The following PIGU variants were observed in gnomAD, a reference collection of about 807,000 sequenced individuals.
The protein encoded by PIGU is phosphatidylinositol glycan anchor biosynthesis class U.
Under a neutral mutation model 49.9 loss-of-function variants are expected in PIGU, and 24 were observed. The ratio of observed to expected loss-of-function variants is 0.48; its 90% CI spans 0.35 to 0.68. The LOEUF (loss-of-function observed/expected upper bound fraction) is 0.68. PIGU is among the 30% of genes least tolerant of loss of function. The pLI is 0.01. For missense variants in PIGU, 490 were observed against 532.6 expected, an observed-to-expected ratio of 0.92 and a Z score of 0.79; for synonymous variants, 220 against 205.7, an observed-to-expected ratio of 1.07 and a Z score of -0.59.
chr20:34,593,334 TC>T, intron 7 of PIGU, among the ~76,000 whole-genome samples: 1 of 58,958 alleles, frequency 1.7e-5, no homozygotes, highest in African/African-American at 6.8e-5. Flanking sequence ...CGAGACTCTG[TC>T]TTAAAGAAAA....
In PIGU at chr20:34,609,934, T is replaced by G. The variant is rs114982334; in HGVS notation, c.627+6108A>C. Among the ~76,000 whole-genome samples, 661 of 152,270 alleles carry G rather than the reference T, an allele frequency of 4.3e-3. 4 individuals are homozygous for G. Among genetic ancestry groups the G allele is most frequent in the African/African-American group, 0.015 (626 of 41,562 alleles). ...AGGATCTGATGGTTTTATAAGGGTC[T>G]TTTCCCTCTTTGCTTGGCACCTCTC... On this transcript the variant is annotated intron_variant, in intron 7 of 11. Coordinates refer to ENST00000217446, the MANE Select transcript of PIGU (RefSeq NM_080476.5).
intron 2 of PIGU, among the ~76,000 whole-genome samples, chr20:34,650,481 G>A (rs1281281648): frequency 1.3e-5 from 2 of 151,842 alleles, no homozygotes; most frequent in Admixed American, 6.6e-5. Context: ...ATGTTGGCCA[G>A]GCTGGTTGAA....
Position 34,631,232 on chromosome 20 carries a change from T to G in PIGU, c.529+3383A>C, listed in dbSNP as rs1339974164. 2.0e-5 allele frequency among the ~76,000 whole-genome samples: 3 copies of G among 151,726 alleles called. No individual in the cohort carries two copies. In the East Asian group the frequency reaches 5.8e-4, roughly 29 times the overall value. On this transcript the variant is annotated intron_variant, in intron 6 of 11. Coordinates refer to ENST00000217446, the MANE Select transcript of PIGU (RefSeq NM_080476.5). ...AAAACTCAATAGAGGAGCTGGAAGA[T>G]AAAAACAAGGAAATGTCCCAGAAAA... is the stretch of plus-strand genomic sequence containing the variant.
rs778285214 is a variant in PIGU at position 34,581,613 on chromosome 20, T to C, written c.986A>G (p.Tyr329Cys). The change falls in exon 10 of 12, where the codon TAC becomes TGC. Residue 329 changes from tyrosine to cysteine, a missense_variant. By Grantham distance (194) the Tyr-to-Cys change is radical (BLOSUM62 -2). Transcript: ENST00000217446. ...GAGCGCCACGTCCCCCACTGTCGGGTAGGACTTAAAGATGGCGATGACAGC... is the reference window on the plus strand; with the variant it reads ...GAGCGCCACGTCCCCCACTGTCGGGCAGGACTTAAAGATGGCGATGACAGC... ...QIAVIAIFKS[Y>C]PTVGDVALYM... 2 of 1,613,546 alleles carry C rather than the reference T, an allele frequency of 1.2e-6. No individual in the cohort carries two copies. The highest frequency in any genetic ancestry group is 1.7e-6 in the Non-Finnish European group (2 of 1,179,838).
chr20:34,607,081 G>A (rs1984643130), intron 7 of PIGU, among the ~76,000 whole-genome samples: 2 of 152,182 alleles, frequency 1.3e-5, no homozygotes, highest in Non-Finnish European at 2.9e-5. Flanking sequence ...TTTTCCCTTT[G>A]CTATTAGCAA....
At chr20:34,578,832 A>G (rs1012118829) in intron 10 of PIGU, among the ~76,000 whole-genome samples, 2 of 152,242 alleles carry the variant, frequency 1.3e-5, no homozygotes, top group African/African-American at 4.8e-5. Flanking sequence ...AGAAAGCGTC[A>G]GAGGTGACCA....
intron 1 of PIGU, among the ~76,000 whole-genome samples, chr20:34,658,193 C>T (rs1022229686): frequency 6.6e-6 from 1 of 152,268 alleles, no homozygotes; most frequent in Non-Finnish European, 1.5e-5. Context: ...CGGGGTTTCG[C>T]TGTGTTGGCC....
intron 7 of PIGU, among the ~76,000 whole-genome samples, chr20:34,609,456 C>A (rs1308642775): frequency 6.6e-6 from 1 of 151,988 alleles, no homozygotes; most frequent in African/African-American, 2.4e-5. Context: ...CCTCCACCTT[C>A]CGCGTTCAAG....
chr20:34,621,253 T>C (rs1241993661), intron 6 of PIGU, among the ~76,000 whole-genome samples: 3 of 152,114 alleles, frequency 2.0e-5, no homozygotes, highest in Non-Finnish European at 4.4e-5. Flanking sequence ...GAAATCCTTT[T>C]TAAAAATATG....
intron 6 of PIGU, among the ~76,000 whole-genome samples, chr20:34,625,236 C>T (rs190871461): frequency 3.9e-5 from 6 of 151,970 alleles, no homozygotes; most frequent in Non-Finnish European, 7.4e-5. Flanking sequence ...GATGTGGTGG[C>T]GCATGCCTGT....
At position 34,676,999 on chromosome 20, in the gene PIGU, G is replaced by C; in HGVS notation, c.87C>G (p.Ser29=). ...GTGGGGACACCACCTCCACCCGCTC[G>C]GAAATGAACTCGGCCAGACTGGAGC... ...LFRSSLAEFI[S]ERVEVVSPLS... is the part of the protein sequence containing the mutation. Residue 29 remains serine (S), a synonymous_variant, in exon 1 of 12, where the codon TCC becomes TCG. Transcript: ENST00000217446. The C allele has an allele frequency of 6.3e-7, 1 of 1,583,904 alleles. No homozygotes were observed. Among genetic ancestry groups the C allele is most frequent in the Non-Finnish European group, 8.6e-7 (1 of 1,165,914 alleles).
At position 34,650,696 on chromosome 20, in the gene PIGU, T is replaced by TTC. The variant is rs1568658798; in HGVS notation, c.196-5364_196-5363dup. Among the ~76,000 whole-genome samples, 172 of 130,622 alleles carry TTC rather than the reference T, an allele frequency of 1.3e-3. 1 individual carries two copies. The highest frequency in any genetic ancestry group is 3.5e-3 in the Middle Eastern group (1 of 282). The allele number at this position is 130,622 out of a possible 152,430, so 85.7% of individuals were successfully genotyped here. ...TGGTAATTTTTTTCCTTTTCTTTTTTTCTCTTTTTTTTTTTTTTTTTTTTT... is the reference window on the plus strand; with the variant it reads ...TGGTAATTTTTTTCCTTTTCTTTTTTTCTCTCTTTTTTTTTTTTTTTTTTTTT... On this transcript the variant is annotated intron_variant, in intron 2 of 11. Transcript: ENST00000217446.
intron 1 of PIGU, among the ~76,000 whole-genome samples, chr20:34,663,639 G>A (rs1463703063): frequency 6.6e-6 from 1 of 152,112 alleles, no homozygotes; most frequent in Admixed American, 6.5e-5. Flanking sequence ...ATAAAACAAA[G>A]CATATTGCTC....
chr20:34,630,928 A>C (rs190846432), intron 6 of PIGU, among the ~76,000 whole-genome samples: 143 of 152,230 alleles, frequency 9.4e-4, no homozygotes, highest in African/African-American at 3.3e-3. Context: ...TATGGGTGTG[A>C]GTCATTGTGC....
intron 7 of PIGU, among the ~76,000 whole-genome samples, chr20:34,613,910 T>C (rs191797040): frequency 1.6e-4 from 24 of 152,306 alleles, no homozygotes; most frequent in Admixed American, 4.6e-4. Context: ...GGCTCAGGCT[T>C]TCTGGTGAAC....
chr20:34,660,194 G>C (rs529594358), intron 1 of PIGU, among the ~76,000 whole-genome samples: 1 of 151,998 alleles, frequency 6.6e-6, no homozygotes, highest in East Asian at 1.9e-4. Flanking sequence ...ACCACTTGGC[G>C]TACTCCATCC....
At chr20:34,633,934 T>G (rs1985875478) in intron 6 of PIGU, among the ~76,000 whole-genome samples, 1 of 152,080 alleles carries the variant, frequency 6.6e-6, no homozygotes, top group Non-Finnish European at 1.5e-5. Flanking sequence ...AATTTATAAT[T>G]CAGGAAATAT....
chr20:34,653,248 C>T (rs955642113), intron 2 of PIGU, among the ~76,000 whole-genome samples: 1 of 152,114 alleles, frequency 6.6e-6, no homozygotes, highest in Non-Finnish European at 1.5e-5. Context: ...GGATTACAGG[C>T]GTGAGCCACC....
At chr20:34,650,289 G>C (rs902132284) in intron 2 of PIGU, among the ~76,000 whole-genome samples, 3 of 151,318 alleles carry the variant, frequency 2.0e-5, no homozygotes, top group African/African-American at 7.3e-5. Context: ...TTTGGGAGGG[G>C]GGAAAGGGTC....
Sources: allele counts gnomAD v4.1 joint callset (sites outside exome capture counted in the v4.1 genomes callset), GRCh38; gene constraint gnomAD v4.1.1; transcripts MANE v1.5; gene names NCBI Gene and HGNC (gene_info 2026-07-23, HGNC 2026-07-21).